The following ARHGAP10 variants were observed in gnomAD, a reference collection of about 807,000 sequenced individuals.
ARHGAP10 encodes the protein Rho GTPase activating protein 10.
ARHGAP10 carries 87 observed loss-of-function variants against 108.6 expected under a neutral mutation model. That is an observed-to-expected ratio of 0.80 (90% confidence interval 0.67 to 0.96). ARHGAP10 has a LOEUF of 0.96. ARHGAP10 is among the 40% of genes least tolerant of loss of function. ARHGAP10 has a pLI of 0.00. For synonymous variants in ARHGAP10, 347 were observed against 341.1 expected (o/e 1.02, Z -0.19); for missense variants, 939 against 954.5 (o/e 0.98, Z 0.21).
chr4:147,951,936 C>A (rs931209621), intron 15 of ARHGAP10, among the ~76,000 whole-genome samples: 1 of 152,288 alleles, frequency 6.6e-6, no homozygotes, highest in Middle Eastern at 3.4e-3. Flanking sequence ...CATTTGAAAT[C>A]TCTCTCACAC....
intron 10 of ARHGAP10, among the ~76,000 whole-genome samples, chr4:147,887,864 A>G (rs1735633732): frequency 6.6e-6 from 1 of 151,646 alleles, no homozygotes; most frequent in Non-Finnish European, 1.5e-5. Context: ...TCCATCTCAA[A>G]AAAAAAAAAA....
At chr4:148,053,997 G>A (rs913789118) in intron 20 of ARHGAP10, among the ~76,000 whole-genome samples, 20 of 152,168 alleles carry the variant, frequency 1.3e-4, no homozygotes, top group African/African-American at 4.3e-4. Flanking sequence ...TCTGAATTTT[G>A]TAGTAGCTTT....
intron 4 of ARHGAP10, among the ~76,000 whole-genome samples, chr4:147,855,549 CT>C (rs920527468): frequency 2.6e-5 from 4 of 151,776 alleles, no homozygotes; most frequent in South Asian, 2.1e-4. Flanking sequence ...ACAACTTCTG[CT>C]TTTTTTTGGT....
rs559467594 is a variant in ARHGAP10, at chr4:148,068,980, C to G, written c.2273-3013C>G. Reference sequence around the variant, plus strand: ...CAGGGTGAGGTTCCTGGACTGAGACCTGCAGGCATAGGGAGGGTGCGTGGG... The same window carrying G: ...CAGGGTGAGGTTCCTGGACTGAGACGTGCAGGCATAGGGAGGGTGCGTGGG... On this transcript the variant is annotated intron_variant, in intron 22 of 22. Coordinates refer to ENST00000336498, the MANE Select transcript of ARHGAP10 (RefSeq NM_024605.4). Among the ~76,000 whole-genome samples the G allele has an allele frequency of 2.6e-5, 4 of 152,272 alleles. No homozygotes were observed. The South Asian group carries it at 8.3e-4, about 32-fold the overall frequency.
intron 13 of ARHGAP10, among the ~76,000 whole-genome samples, chr4:147,932,791 C>A (rs577804102): frequency 9.2e-5 from 14 of 152,136 alleles, no homozygotes; most frequent in African/African-American, 3.4e-4. Flanking sequence ...TGCACATGTA[C>A]CTCTGAACTT....
chr4:148,018,691 A>G (rs1345366701), intron 18 of ARHGAP10, among the ~76,000 whole-genome samples: 10 of 152,152 alleles, frequency 6.6e-5, no homozygotes, highest in Admixed American at 6.6e-4. Flanking sequence ...GCTATTCCCC[A>G]TTTTACTCTT....
chr4:147,885,855 C>A (rs1579159907), intron 10 of ARHGAP10, among the ~76,000 whole-genome samples: 2 of 152,034 alleles, frequency 1.3e-5, no homozygotes, highest in Admixed American at 1.3e-4. Context: ...GTTTCCTTAC[C>A]CTTTTCTGTG....
chr4:147,876,705 G>C (rs1197450805), intron 8 of ARHGAP10, among the ~76,000 whole-genome samples: 1 of 152,202 alleles, frequency 6.6e-6, no homozygotes, highest in African/African-American at 2.4e-5. Flanking sequence ...TTAATTTTTA[G>C]ATTCATCACT....
At chr4:147,912,973 A>G (rs1445915282) in intron 12 of ARHGAP10, 101 bp from the exon 13 acceptor site, 1 of 1,201,414 alleles carries the variant, frequency 8.3e-7, no homozygotes. Flanking sequence ...ATAGTAATCT[A>G]AAAATTAGTT....
chr4:147,925,822 T>C (rs902629380), intron 13 of ARHGAP10, among the ~76,000 whole-genome samples: 1 of 152,224 alleles, frequency 6.6e-6, no homozygotes, highest in Non-Finnish European at 1.5e-5. Context: ...GCTCATTCCC[T>C]GAGCCCTGAT....
Position 147,906,629 on chromosome 4 carries a change from G to A in ARHGAP10, c.1035-9G>A, listed in dbSNP as rs747347045. On this transcript the variant is annotated splice_polypyrimidine_tract_variant and intron_variant, in intron 10 of 22. Transcript: ENST00000336498. The stretch of plus-strand genomic sequence containing the variant: ...AGGGGTAACCTGATATGTTACTGGT[G>A]TCTTTCAGGCCTGGCGTTTCCTTGA... 1.2e-6 allele frequency: 2 copies of A among 1,614,054 alleles called. No individual in the cohort carries two copies. Among genetic ancestry groups the A allele is most frequent in the Admixed American group, 1.7e-5 (1 of 60,022 alleles).
rs1302918675 is a variant in ARHGAP10, at chr4:147,732,297, C to T, written c.-5C>T. On this transcript the variant is annotated 5_prime_UTR_variant, in exon 1 of 23. Transcript: ENST00000336498. The stretch of plus-strand genomic sequence containing the variant: ...CGTGCGCACCGCGCAGCGACCGCTG[C>T]CGTCATGGGGCTGCAGCCCCTGGAG... 6.2e-7 allele frequency: 1 copy of T among 1,605,968 alleles called. No individual in the cohort carries two copies. The highest frequency in any genetic ancestry group is 8.5e-7 in the Non-Finnish European group (1 of 1,176,988).
chr4:148,027,209 T>G (rs1284070564), intron 19 of ARHGAP10, among the ~76,000 whole-genome samples: 2 of 152,274 alleles, frequency 1.3e-5, no homozygotes, highest in Non-Finnish European at 2.9e-5. Context: ...AACTAGGTTT[T>G]ATATGTATCT....
intron 1 of ARHGAP10, among the ~76,000 whole-genome samples, chr4:147,752,774 A>G (rs1579001165): frequency 1.3e-5 from 2 of 151,768 alleles, no homozygotes; most frequent in Admixed American, 6.6e-5. Flanking sequence ...TGATCCTCCC[A>G]CCTTGGCCTC....
intron 1 of ARHGAP10, among the ~76,000 whole-genome samples, chr4:147,815,253 C>G (rs1476825385): frequency 6.6e-6 from 1 of 152,120 alleles, no homozygotes; most frequent in Non-Finnish European, 1.5e-5. Flanking sequence ...AGTTGGGTAA[C>G]CTGTGTCTGT....
chr4:147,758,629 T>TTA (rs1179330872), intron 1 of ARHGAP10, among the ~76,000 whole-genome samples: 11 of 152,130 alleles, frequency 7.2e-5, no homozygotes, highest in African/African-American at 2.4e-4. Context: ...GCCTGCCTAT[T>TTA]TTTCAGGCAG....
chr4:147,755,312 G>A (rs375947018), intron 1 of ARHGAP10, among the ~76,000 whole-genome samples: 4 of 152,018 alleles, frequency 2.6e-5, no homozygotes, highest in Admixed American at 6.5e-5. Context: ...CAGTCTGGGC[G>A]TTCTGTGTTC....
chr4:147,922,375 G>A (rs1466755676), intron 13 of ARHGAP10, among the ~76,000 whole-genome samples: 1 of 151,404 alleles, frequency 6.6e-6, no homozygotes, highest in Non-Finnish European at 1.5e-5. Context: ...TAACCTCTCA[G>A]ACCCTTAGTT....
intron 19 of ARHGAP10, among the ~76,000 whole-genome samples, chr4:148,045,198 T>TC (rs1052423232): frequency 2.0e-5 from 3 of 151,970 alleles, no homozygotes; most frequent in African/African-American, 7.3e-5. Flanking sequence ...CCTCCAGGGG[T>TC]CCCCCTCAAT....
Sources: allele counts gnomAD v4.1 joint callset (sites outside exome capture counted in the v4.1 genomes callset), GRCh38; gene constraint gnomAD v4.1.1; transcripts MANE v1.5; gene names NCBI Gene and HGNC (gene_info 2026-07-23, HGNC 2026-07-21).